The following PLPP1 variants were observed in gnomAD, a reference collection of about 807,000 sequenced individuals.
PLPP1 encodes phospholipid phosphatase 1.
Under a neutral mutation model 31.2 loss-of-function variants are expected in PLPP1, and 24 were observed. The observed-to-expected ratio is 0.77, with a 90% confidence interval of 0.56 to 1.08. The LOEUF (loss-of-function observed/expected upper bound fraction) is 1.08, where lower values mean the gene tolerates loss of function less well. Ranked by LOEUF, PLPP1 falls within the 50% of genes least tolerant of loss-of-function variation. The pLI is 0.00. For missense variants in PLPP1, 319 were observed against 342.7 expected, an observed-to-expected ratio of 0.93 and a Z score of 0.55; for synonymous variants, 146 against 126.3, an observed-to-expected ratio of 1.16 and a Z score of -1.05.
In PLPP1 at chr5:55,451,643, C is replaced by T. The variant is rs1053858390; in HGVS notation, c.492-9735G>A. On this transcript the variant is annotated intron_variant, in intron 3 of 5. Transcript: ENST00000307259. Reference sequence around the variant, plus strand: ...GTGGCATGATCTCGGCTCACTGCAACCTCTGCCTTCCGGGTTCAGGCAGTT... The same window carrying T: ...GTGGCATGATCTCGGCTCACTGCAATCTCTGCCTTCCGGGTTCAGGCAGTT... Among the ~76,000 whole-genome samples the T allele has an allele frequency of 1.7e-4, 26 of 151,850 alleles. 1 individual carries two copies. Among genetic ancestry groups the T allele is most frequent in the Admixed American group, 5.2e-4 (8 of 15,244 alleles).
chr5:55,486,555 C>G (rs1752778854), intron 1 of PLPP1, among the ~76,000 whole-genome samples: 1 of 151,918 alleles, frequency 6.6e-6, no homozygotes, highest in Non-Finnish European at 1.5e-5. Context: ...CACTATACTC[C>G]AGCCTGGGCA....
chr5:55,437,926 T>C (rs1379055283), intron 4 of PLPP1, among the ~76,000 whole-genome samples: 11 of 152,230 alleles, frequency 7.2e-5, no homozygotes, highest in Admixed American at 7.2e-4. Flanking sequence ...TGAGGGATTA[T>C]ATGAATCTTA....
At chr5:55,521,506 G>C (rs1278415902) in intron 1 of PLPP1, among the ~76,000 whole-genome samples, 1 of 151,830 alleles carries the variant, frequency 6.6e-6, no homozygotes, top group Non-Finnish European at 1.5e-5. Context: ...AACAGAGCGA[G>C]ACTCTGTCTC....
chr5:55,451,470 C>G (rs1292777476), intron 3 of PLPP1, among the ~76,000 whole-genome samples: 1 of 152,136 alleles, frequency 6.6e-6, no homozygotes, highest in East Asian at 1.9e-4. Flanking sequence ...CCTCCTATTC[C>G]TTTAAGATTA....
chr5:55,503,834 TGAAGG>T (rs1440865391), intron 1 of PLPP1, among the ~76,000 whole-genome samples: 1 of 60,122 alleles, frequency 1.7e-5, no homozygotes. Context: ...GAAGAGGGGA[TGAAGG>T]GGAGGGGAGA....
intron 1 of PLPP1, chr5:55,491,026 C>T (rs754508972): frequency 2.7e-5 from 44 of 1,613,378 alleles, no homozygotes; most frequent in South Asian, 2.3e-4. Context: ...TGTCATGGTA[C>T]GGATAGTTGA....
intron 1 of PLPP1, among the ~76,000 whole-genome samples, chr5:55,497,786 T>A (rs1579965760): frequency 6.6e-6 from 1 of 152,194 alleles, no homozygotes; most frequent in South Asian, 2.1e-4. Context: ...GAAGCTGCTA[T>A]CATCTACAGA....
At chr5:55,503,975 A>T (rs1753205764) in intron 1 of PLPP1, among the ~76,000 whole-genome samples, 1 of 148,542 alleles carries the variant, frequency 6.7e-6, no homozygotes, top group Non-Finnish European at 1.5e-5. Flanking sequence ...GGGATTATGG[A>T]CCTCCTTAAG....
chr5:55,443,129 C>T (rs1159626618), intron 3 of PLPP1, among the ~76,000 whole-genome samples: 2 of 143,556 alleles, frequency 1.4e-5, no homozygotes, highest in South Asian at 2.2e-4. Flanking sequence ...TGGAAAGTCA[C>T]GTGTGTATGT....
intron 3 of PLPP1, among the ~76,000 whole-genome samples, chr5:55,465,497 GGAA>G (rs1270519329): frequency 2.6e-5 from 4 of 152,098 alleles, no homozygotes; most frequent in Non-Finnish European, 5.9e-5. Flanking sequence ...GCACCACACT[GGAA>G]GAAGAACTGT....
chr5:55,477,961 CAG>C (rs1288034410), intron 1 of PLPP1, among the ~76,000 whole-genome samples: 1 of 146,986 alleles, frequency 6.8e-6, no homozygotes, highest in Non-Finnish European at 1.5e-5. Context: ...GCCTGGGTGA[CAG>C]AGTGACACTC....
chr5:55,530,449 T>C, intron 1 of PLPP1: 6 of 1,257,382 alleles, frequency 4.8e-6, no homozygotes, highest in Non-Finnish European at 7.0e-6. Flanking sequence ...GAAGAACTTG[T>C]ATTCTCTTGG....
chr5:55,427,229 C>G (rs998608339), intron 4 of PLPP1, among the ~76,000 whole-genome samples: 1 of 152,156 alleles, frequency 6.6e-6, no homozygotes, highest in South Asian at 2.1e-4. Context: ...ATACATAGCT[C>G]TCCCCATGGA....
At chr5:55,445,237 C>G (rs1275372581) in intron 3 of PLPP1, among the ~76,000 whole-genome samples, 1 of 152,154 alleles carries the variant, frequency 6.6e-6, no homozygotes, top group African/African-American at 2.4e-5. Context: ...ACTGAGCATT[C>G]TTCTATCTCT....
chr5:55,437,454 T>TG (rs1259023308), intron 4 of PLPP1, among the ~76,000 whole-genome samples: 7 of 38,628 alleles, frequency 1.8e-4, no homozygotes, highest in African/African-American at 3.2e-4. Flanking sequence ...TAAGGAGTTT[T>TG]TTTTGTTTGT....
At chr5:55,502,857 G>T (rs1249749281) in intron 1 of PLPP1, among the ~76,000 whole-genome samples, 1 of 152,104 alleles carries the variant, frequency 6.6e-6, no homozygotes, top group Non-Finnish European at 1.5e-5. Flanking sequence ...CATACATTTA[G>T]TGCTTCCTCT....
At chr5:55,451,934 A>G (rs1751903356) in intron 3 of PLPP1, among the ~76,000 whole-genome samples, 1 of 152,216 alleles carries the variant, frequency 6.6e-6, no homozygotes, top group Non-Finnish European at 1.5e-5. Flanking sequence ...ACCAATTCTT[A>G]TCGTACAACA....
chr5:55,455,545 C>T (rs535724054), intron 3 of PLPP1, among the ~76,000 whole-genome samples: 1 of 152,134 alleles, frequency 6.6e-6, no homozygotes, highest in African/African-American at 2.4e-5. Flanking sequence ...TGGTTGCACC[C>T]GGGAGGTCAA....
intron 1 of PLPP1, among the ~76,000 whole-genome samples, chr5:55,496,705 A>AG (rs1223701786): frequency 6.6e-6 from 1 of 152,222 alleles, no homozygotes; most frequent in Non-Finnish European, 1.5e-5. Context: ...CACAACTGTT[A>AG]GGCATGTATG....
Sources: gnomAD v4.1 joint callset for allele counts (sites outside exome capture counted in the v4.1 genomes callset) on GRCh38, gnomAD v4.1.1 for gene constraint, MANE v1.5 for transcripts, NCBI Gene and HGNC (gene_info 2026-07-23, HGNC 2026-07-21) for gene names.